The following LUZP2 variants were observed in gnomAD, a reference collection of about 807,000 sequenced individuals.
LUZP2 encodes leucine zipper protein 2.
In LUZP2, 52 loss-of-function variants were observed where a neutral mutation model predicts 51.6. That is an observed-to-expected ratio of 1.01 (90% CI 0.81 to 1.27). The LOEUF (loss-of-function observed/expected upper bound fraction) is 1.27, where lower values mean the gene tolerates loss of function less well. Among genes scored for constraint, LUZP2 ranks in the 50% most tolerant of loss-of-function variants. The probability of loss-of-function intolerance (pLI) is 0.00; values close to 1 mark genes in which losing one functional copy is unlikely to be tolerated. For synonymous variants in LUZP2, 154 were observed against 137.3 expected (o/e 1.12, Z -0.85); for missense variants, 436 against 395.4 (o/e 1.10, Z -0.87).
At chr11:24,610,396 G>T (rs1381668026) in intron 1 of LUZP2, among the ~76,000 whole-genome samples, 1 of 152,044 alleles carries the variant, frequency 6.6e-6, no homozygotes, top group Non-Finnish European at 1.5e-5. Context: ...CTTTTGAGAG[G>T]GCCCAAATGT....
chr11:24,875,198 C>G (rs1487133606), intron 5 of LUZP2, among the ~76,000 whole-genome samples: 2 of 150,384 alleles, frequency 1.3e-5, no homozygotes, highest in African/African-American at 4.9e-5. Flanking sequence ...GTGTGCTGCA[C>G]CCATTAACTC....
At chr11:24,643,405 A>G (rs1291201939) in intron 1 of LUZP2, among the ~76,000 whole-genome samples, 1 of 152,126 alleles carries the variant, frequency 6.6e-6, no homozygotes, top group African/African-American at 2.4e-5. Context: ...AGACTGGAGA[A>G]AGCAAAATAA....
At chr11:24,580,607 A>C (rs1852815789) in intron 1 of LUZP2, among the ~76,000 whole-genome samples, 1 of 152,150 alleles carries the variant, frequency 6.6e-6, no homozygotes, top group South Asian at 2.1e-4. Flanking sequence ...CAAAACAAAA[A>C]AAAAATTAAA....
intron 1 of LUZP2, among the ~76,000 whole-genome samples, chr11:24,619,361 T>G (rs1854415097): frequency 6.6e-6 from 1 of 152,152 alleles, no homozygotes; most frequent in African/African-American, 2.4e-5. Context: ...ATCAGATTTC[T>G]TTTACATACA....
At chr11:24,642,750 T>C (rs929628293) in intron 1 of LUZP2, among the ~76,000 whole-genome samples, 1 of 149,532 alleles carries the variant, frequency 6.7e-6, no homozygotes, top group Non-Finnish European at 1.5e-5. Context: ...GTCTCAACTC[T>C]GCATGTAAGA....
chr11:24,808,417 G>A (rs12289505), intron 5 of LUZP2, among the ~76,000 whole-genome samples: 2,537 of 152,216 alleles, frequency 0.017, 75 homozygotes, highest in African/African-American at 0.058. Flanking sequence ...TTTCCTGTAG[G>A]TGTTATCTGA....
At position 24,647,377 on chromosome 11, in the gene LUZP2, C is replaced by A. The variant is rs1165495483; in HGVS notation, c.63-81792C>A. ...ATGCAGCCAGTATTTAAATAAATAA[C>A]AACAAAAACAAAAAAGAAAAAGAAA... On this transcript the variant is annotated intron_variant, in intron 1 of 11. Transcript: ENST00000336930. 3.3e-5 allele frequency among the ~76,000 whole-genome samples: 5 copies of A among 151,414 alleles called. No individual in the cohort carries two copies. In the East Asian group the frequency reaches 9.7e-4, roughly 29 times the overall value.
intron 9 of LUZP2, among the ~76,000 whole-genome samples, chr11:25,008,577 G>C (rs1469949018): frequency 6.6e-6 from 1 of 152,172 alleles, no homozygotes; most frequent in Non-Finnish European, 1.5e-5. Flanking sequence ...ATTCCCTGTT[G>C]CTCAGCAAGT....
chr11:24,616,267 G>T (rs185631733), intron 1 of LUZP2, among the ~76,000 whole-genome samples: 4 of 151,544 alleles, frequency 2.6e-5, no homozygotes, highest in Non-Finnish European at 5.9e-5. Flanking sequence ...AATTCTCTGC[G>T]TAGCCATAGA....
chr11:24,729,139 G>A, intron 1 of LUZP2, 30 bp from the exon 2 acceptor site: 2 of 1,220,892 alleles, frequency 1.6e-6, no homozygotes, highest in Admixed American at 2.4e-5. Context: ...ACCATTTGGG[G>A]GGCTCTCATG....
At chr11:25,050,435 G>C (rs1222204423) in intron 10 of LUZP2, among the ~76,000 whole-genome samples, 1 of 151,196 alleles carries the variant, frequency 6.6e-6, no homozygotes, top group African/African-American at 2.4e-5. Context: ...CTCCCGAGTA[G>C]CTGGGACTAC....
intron 5 of LUZP2, among the ~76,000 whole-genome samples, chr11:24,789,765 C>T (rs1031072493): frequency 6.6e-6 from 1 of 152,142 alleles, no homozygotes; most frequent in Non-Finnish European, 1.5e-5. Flanking sequence ...GCTGTGTCCC[C>T]ACATGGTGGA....
chr11:24,623,403 A>AT (rs1280902591), intron 1 of LUZP2, among the ~76,000 whole-genome samples: 5 of 152,108 alleles, frequency 3.3e-5, no homozygotes, highest in Admixed American at 2.0e-4. Context: ...TCTTTTTGTC[A>AT]TTTTTTTGAT....
At chr11:24,517,300 A>G (rs544889209) in intron 1 of LUZP2, among the ~76,000 whole-genome samples, 1 of 151,862 alleles carries the variant, frequency 6.6e-6, no homozygotes, top group African/African-American at 2.4e-5. Flanking sequence ...CCTGGCTAAC[A>G]CAGTGAAACC....
chr11:24,857,230 G>A (rs1851593126), intron 5 of LUZP2, among the ~76,000 whole-genome samples: 1 of 149,120 alleles, frequency 6.7e-6, no homozygotes, highest in South Asian at 2.1e-4. Context: ...TACAGTCCAT[G>A]TATCCCCACT....
intron 5 of LUZP2, among the ~76,000 whole-genome samples, chr11:24,882,778 A>AG (rs71044322): frequency 0.49 from 73,326 of 148,134 alleles, 18,330 homozygotes; most frequent in East Asian, 0.71. Context: ...GTGCAACGGG[A>AG]GAAGGAAGAA....
intron 10 of LUZP2, among the ~76,000 whole-genome samples, chr11:25,051,242 G>A (rs1858500427): frequency 6.6e-6 from 1 of 152,028 alleles, no homozygotes; most frequent in Non-Finnish European, 1.5e-5. Flanking sequence ...GCGTGAACCC[G>A]GGAGATGGAG....
chr11:24,780,621 C>G (rs537254263), intron 5 of LUZP2, among the ~76,000 whole-genome samples: 2 of 152,086 alleles, frequency 1.3e-5, no homozygotes, highest in African/African-American at 4.8e-5. Flanking sequence ...ATCGTAATAA[C>G]AACAGTTTAC....
At chr11:24,905,965 C>T (rs757555133) in intron 5 of LUZP2, 26 bp from the exon 6 acceptor site, 173 of 1,537,348 alleles carry the variant, frequency 1.1e-4, no homozygotes, top group Non-Finnish European at 1.5e-4. Flanking sequence ...CTCTTCTTTG[C>T]AATAAAACTA....
Sources: gnomAD v4.1 joint callset for allele counts (sites outside exome capture counted in the v4.1 genomes callset) on GRCh38, gnomAD v4.1.1 for gene constraint, MANE v1.5 for transcripts, NCBI Gene and HGNC (gene_info 2026-07-23, HGNC 2026-07-21) for gene names.